Variants in FRMPD4 observed in about 807,000 individuals in gnomAD.
The protein encoded by FRMPD4 is FERM and PDZ domain-containing protein 4.
In FRMPD4, 22 loss-of-function variants were observed where a neutral mutation model predicts 94.1. The ratio of observed to expected loss-of-function variants is 0.23; its 90% CI spans 0.17 to 0.33. The LOEUF (loss-of-function observed/expected upper bound fraction) is 0.33, where lower values mean the gene tolerates loss of function less well. Among genes scored for constraint, FRMPD4 ranks in the 10% least tolerant of loss-of-function variants. FRMPD4 has a pLI of 1.00. For synonymous variants in FRMPD4, 631 were observed against 548.6 expected, an observed-to-expected ratio of 1.15 and a Z score of -2.10; for missense variants, 1,111 against 1,339.9, an observed-to-expected ratio of 0.83 and a Z score of 2.67.
At chrX:12,040,553 C>CTTTT (rs760980082) in intron 3 of FRMPD4, among the ~76,000 whole-genome samples, 11 of 58,887 alleles carry the variant, frequency 1.9e-4, no homozygotes, top group Admixed American at 2.5e-4. Context: ...TTATGTCTGC[C>CTTTT]TTTTTTTTTT....
At chrX:12,498,283 C>T (rs1454453576) in intron 1 of FRMPD4, among the ~76,000 whole-genome samples, 1 of 111,740 alleles carries the variant, frequency 8.9e-6, no homozygotes, top group East Asian at 2.8e-4. Flanking sequence ...CTTGGGCATA[C>T]ATGAGGGCAA....
intron 3 of FRMPD4, among the ~76,000 whole-genome samples, chrX:11,891,243 G>A (rs1382457840): frequency 2.7e-5 from 3 of 112,466 alleles, no homozygotes; most frequent in African/African-American, 9.7e-5. Flanking sequence ...CAAAAATGGG[G>A]GAGCCATGGG....
At chrX:12,579,909 C>G (rs757736624) in intron 2 of FRMPD4, among the ~76,000 whole-genome samples, 2 of 111,945 alleles carry the variant, frequency 1.8e-5, no homozygotes, top group South Asian at 7.4e-4. Context: ...AAACTTTACT[C>G]CATTAGAAGG....
chrX:12,463,999 T>C (rs2057423865), intron 1 of FRMPD4, among the ~76,000 whole-genome samples: 1 of 110,988 alleles, frequency 9.0e-6, no homozygotes, highest in Admixed American at 9.6e-5. Flanking sequence ...TAGCTGCTTT[T>C]GTGCTACAAT....
chrX:12,417,791 C>T (rs777397662), intron 1 of FRMPD4, among the ~76,000 whole-genome samples: 7 of 107,546 alleles, frequency 6.5e-5, no homozygotes, highest in East Asian at 2.9e-4. Flanking sequence ...GGGCGGATCA[C>T]GAGGTCAGGA....
At chrX:12,216,101 A>G (rs1038859217) in intron 1 of FRMPD4, among the ~76,000 whole-genome samples, 10 of 112,023 alleles carry the variant, frequency 8.9e-5, no homozygotes, top group African/African-American at 2.9e-4. Flanking sequence ...TGTGTATTCA[A>G]TTACCCCAAA....
chrX:12,087,858 A>G (rs1167798397), intron 3 of FRMPD4, among the ~76,000 whole-genome samples: 1 of 112,518 alleles, frequency 8.9e-6, no homozygotes, highest in East Asian at 2.8e-4. Context: ...GGCCCCAAAG[A>G]AAATTAATAA....
At chrX:12,418,255 G>A (rs928567928) in intron 1 of FRMPD4, among the ~76,000 whole-genome samples, 1 of 109,722 alleles carries the variant, frequency 9.1e-6, no homozygotes, top group Non-Finnish European at 1.9e-5. Context: ...TTGTGGACTG[G>A]CTAGTGCATG....
intron 3 of FRMPD4, among the ~76,000 whole-genome samples, chrX:12,077,331 C>T (rs1453905578): frequency 2.7e-5 from 3 of 111,893 alleles, no homozygotes; most frequent in African/African-American, 9.7e-5. Context: ...TTTCATCTGA[C>T]CTCTCTTTGA....
chrX:12,003,517 C>T (rs954004275), intron 3 of FRMPD4, among the ~76,000 whole-genome samples: 3 of 111,374 alleles, frequency 2.7e-5, no homozygotes, highest in Non-Finnish European at 3.8e-5. Context: ...GTGATCCTTC[C>T]ACCTCAGCCT....
At chrX:12,678,987 C>T (rs1285729048) in intron 5 of FRMPD4, among the ~76,000 whole-genome samples, 1 of 112,460 alleles carries the variant, frequency 8.9e-6, no homozygotes, top group Non-Finnish European at 1.9e-5. Context: ...GCTTTCCTGC[C>T]TCCAACTTCC....
Position 12,531,315 on chromosome X carries a change from G to A in FRMPD4, c.158+32519G>A, listed in dbSNP as rs773454590. ...CATCCCTTCAGTTTTAGTAAGGGAC[G>A]TGGGAATATTGATTTATTTTCCCAG... On this transcript the variant is annotated intron_variant, in intron 2 of 16. Coordinates refer to ENST00000675598, the MANE Select transcript of FRMPD4 (RefSeq NM_001368397.1). Among the ~76,000 whole-genome samples the A allele has an allele frequency of 8.9e-5, 10 of 111,990 alleles. No individual in the cohort carries two copies. In the South Asian group the frequency reaches 3.8e-3, roughly 42 times the overall value.
intron 1 of FRMPD4, among the ~76,000 whole-genome samples, chrX:12,496,713 T>G: frequency 8.9e-6 from 1 of 112,338 alleles, no homozygotes; most frequent in African/African-American, 3.2e-5. Flanking sequence ...TCCATGTATT[T>G]TTTTTGTCAA....
At chrX:12,481,274 C>G (rs1001493044) in intron 1 of FRMPD4, among the ~76,000 whole-genome samples, 6 of 111,562 alleles carry the variant, frequency 5.4e-5, no homozygotes, top group Non-Finnish European at 9.4e-5. Flanking sequence ...CACTCTCCCA[C>G]CTAGGCCCCC....
chrX:12,262,015 A>G (rs1028262893), intron 1 of FRMPD4, among the ~76,000 whole-genome samples: 5 of 112,142 alleles, frequency 4.5e-5, no homozygotes, highest in Non-Finnish European at 7.5e-5. Flanking sequence ...TATGAATGAC[A>G]TTATTTCCAC....
chrX:12,377,983 G>A (rs2056263290), intron 1 of FRMPD4, among the ~76,000 whole-genome samples: 1 of 112,568 alleles, frequency 8.9e-6, no homozygotes, highest in Admixed American at 9.4e-5. Flanking sequence ...TTGAAGGCAG[G>A]AGCAAGGTTA....
At chrX:11,851,477 A>T (rs2053621741) in intron 1 of FRMPD4, among the ~76,000 whole-genome samples, 1 of 111,194 alleles carries the variant, frequency 9.0e-6, no homozygotes, top group Admixed American at 9.6e-5. Flanking sequence ...GTTCAGGGGA[A>T]CCCAACTAAG....
At chrX:11,875,741 T>C (rs2053779416) in intron 2 of FRMPD4, among the ~76,000 whole-genome samples, 1 of 110,680 alleles carries the variant, frequency 9.0e-6, no homozygotes, top group Non-Finnish European at 1.9e-5. Context: ...CCCTCTCCCA[T>C]AGGAAAGCAT....
At chrX:12,308,407 G>C (rs1244239547) in intron 1 of FRMPD4, among the ~76,000 whole-genome samples, 1 of 111,546 alleles carries the variant, frequency 9.0e-6, no homozygotes, top group African/African-American at 3.3e-5. Flanking sequence ...AGGCTACTTG[G>C]ATTCTGTTAC....
Sources: allele counts gnomAD v4.1 joint callset (sites outside exome capture counted in the v4.1 genomes callset), GRCh38; gene constraint gnomAD v4.1.1; transcripts MANE v1.5; gene names NCBI Gene and HGNC (gene_info 2026-07-23, HGNC 2026-07-21).